Variants in ISLR2 observed in about 807,000 individuals in gnomAD.
ISLR2 encodes the protein immunoglobulin superfamily containing leucine-rich repeat protein 2.
In ISLR2, 16 loss-of-function variants were observed where a neutral mutation model predicts 25.5. That is an observed-to-expected ratio of 0.63 (90% CI 0.43 to 0.95). The LOEUF (loss-of-function observed/expected upper bound fraction) is 0.95. ISLR2 is among the 40% of genes least tolerant of loss of function. ISLR2 has a pLI of 0.00. For synonymous variants in ISLR2, 508 were observed against 486.6 expected (o/e 1.04, Z -0.58); for missense variants, 883 against 1,030.7 (o/e 0.86, Z 1.96).
chr15:74,112,148 C>G (rs1440215588), intron 2 of ISLR2, among the ~76,000 whole-genome samples: 1 of 152,138 alleles, frequency 6.6e-6, no homozygotes, highest in South Asian at 2.1e-4. Flanking sequence ...GTATGCAGGT[C>G]TGGAAAAACC....
Position 74,132,422 on chromosome 15 carries a change from G to A in ISLR2, c.-8-325G>A, listed in dbSNP as rs775789918. 2.6e-5 allele frequency among the ~76,000 whole-genome samples: 4 copies of A among 152,304 alleles called. No individual in the cohort carries two copies. Among genetic ancestry groups the A allele is most frequent in the Non-Finnish European group, 5.9e-5 (4 of 68,026 alleles). On this transcript the variant is annotated intron_variant, in intron 2 of 2. Coordinates refer to ENST00000453268, the MANE Select transcript of ISLR2 (RefSeq NM_020851.3). The surrounding 1 kb of genome is among the most constrained non-coding windows in gnomAD (Gnocchi z 4.3). ...AAACGAAGGCTTAGAAACACAGAGA[G>A]GGGTACGTGAGGAGCCCGCTGGAGA... is the stretch of plus-strand genomic sequence containing the variant.
Position 74,133,089 on chromosome 15 carries a change from C to T in ISLR2, c.335C>T (p.Ser112Phe). Residue 112 changes from serine (S) to phenylalanine (F), a missense_variant, in exon 3 of 3, where the codon TCC becomes TTC. Physicochemically the swap from Ser to Phe is radical, Grantham distance 155. Around this residue, in one of 2 missense-constraint regions of ISLR2, gnomAD observed 271 missense variants for 387.9 expected, o/e 0.70. Coordinates refer to ENST00000453268, the MANE Select transcript of ISLR2 (RefSeq NM_020851.3). ...CTCGATCTGAGCCACAACTTCATAT[C>T]CAGCTTTCCGTGGAGCGACCTGCGC... ...KNLDLSHNFI[S>F]SFPWSDLRNL... 3.1e-6 allele frequency: 5 copies of T among 1,612,924 alleles called. No individual in the cohort carries two copies. The highest frequency in any genetic ancestry group is 3.4e-6 in the Non-Finnish European group (4 of 1,179,982).
At position 74,133,174 on chromosome 15, in the gene ISLR2, G is replaced by T; in HGVS notation, c.420G>T (p.Arg140=). Residue 140 remains arginine (R), a synonymous_variant, in exon 3 of 3, where the codon CGG becomes CGT. Coordinates refer to ENST00000453268, the MANE Select transcript of ISLR2 (RefSeq NM_020851.3). Reference sequence around the variant, plus strand: ...ACAACCGCCTGGGCTCTCTGCCCCGGGACGCACTCGGTGCGCTACCCGACC... The same window carrying T: ...ACAACCGCCTGGGCTCTCTGCCCCGTGACGCACTCGGTGCGCTACCCGACC... The part of the protein sequence containing the change: ...MNHNRLGSLP[R]DALGALPDLR... 6.2e-7 allele frequency: 1 copy of T among 1,613,188 alleles called. No individual in the cohort carries two copies. The highest frequency in any genetic ancestry group is 8.5e-7 in the Non-Finnish European group (1 of 1,179,990).
upstream of ISLR2, among the ~76,000 whole-genome samples, chr15:74,123,566 A>C (rs187461092): frequency 3.9e-5 from 6 of 152,318 alleles, no homozygotes; most frequent in East Asian, 9.7e-4. Context: ...GTGGAGCTCC[A>C]AGCCCAGTGT....
At chr15:74,125,698 T>A (rs2072289506), upstream of ISLR2, among the ~76,000 whole-genome samples, 1 of 152,226 alleles carries the variant, frequency 6.6e-6, no homozygotes, top group African/African-American at 2.4e-5. Flanking sequence ...GTTAAGCTAA[T>A]TTCATGAAAA....
upstream of ISLR2, chr15:74,126,894 ATT>A (rs1323391111): frequency 8.8e-6 from 1 of 113,336 alleles, no homozygotes; most frequent in Non-Finnish European, 1.8e-5. Flanking sequence ...TGGAGAGAAC[ATT>A]TGTGTGTGTG....
At chr15:74,125,191 C>T (rs1333883741), upstream of ISLR2, among the ~76,000 whole-genome samples, 2 of 151,990 alleles carry the variant, frequency 1.3e-5, no homozygotes, top group East Asian at 3.9e-4. Context: ...TTGCATCCCG[C>T]CCCCCTTACT....
At chr15:74,102,568 G>T (rs1347972667) in intron 1 of ISLR2, among the ~76,000 whole-genome samples, 3 of 151,228 alleles carry the variant, frequency 2.0e-5, no homozygotes, top group Non-Finnish European at 4.4e-5. Context: ...GAAATGGGCT[G>T]CTGGGCCCCA....
chr15:74,135,354 C>A lies in ISLR2; in HGVS notation c.*362C>A. 3.7e-6 allele frequency: 1 copy of A among 267,318 alleles called. No individual in the cohort carries two copies. The highest frequency in any genetic ancestry group is 7.7e-5 in the East Asian group (1 of 12,950). 16.6% of individuals were successfully genotyped at this position (267,318 alleles called of 1,614,324 possible). A position where few individuals can be genotyped will look rare whatever the true frequency, so the allele number is the denominator to read the frequency against. ...GCCCGCCCCACCGTGGGCTCTGGAG[C>A]CAGAGGAAACGAGCGAAGACTTTGG... On this transcript the variant is annotated 3_prime_UTR_variant, in exon 3 of 3. Coordinates refer to ENST00000453268, the MANE Select transcript of ISLR2 (RefSeq NM_020851.3).
At chr15:74,119,713 A>G (rs1193204931) in intron 2 of ISLR2, among the ~76,000 whole-genome samples, 3 of 152,228 alleles carry the variant, frequency 2.0e-5, no homozygotes, top group Non-Finnish European at 2.9e-5. Flanking sequence ...GAACACTGGA[A>G]ATATACACAA....
upstream of ISLR2, among the ~76,000 whole-genome samples, chr15:74,124,168 A>G (rs958372953): frequency 6.7e-6 from 1 of 150,130 alleles, no homozygotes; most frequent in African/African-American, 2.5e-5. Context: ...ATGGTCCATT[A>G]TAATCCTGGT....
At chr15:74,115,866 A>C (rs1392830808) in intron 2 of ISLR2, among the ~76,000 whole-genome samples, 2 of 148,772 alleles carry the variant, frequency 1.3e-5, no homozygotes, top group Non-Finnish European at 3.0e-5. Flanking sequence ...GAACATGATG[A>C]GAAGAGAGAA....
At chr15:74,103,006 C>T (rs1303775248) in intron 1 of ISLR2, among the ~76,000 whole-genome samples, 2 of 151,202 alleles carry the variant, frequency 1.3e-5, no homozygotes, top group Non-Finnish European at 2.9e-5. Context: ...CAGGGTTTCA[C>T]CATGTTGGCC....
rs781139474 is a variant in ISLR2 at position 74,133,568 on chromosome 15, T to C, written c.814T>C (p.Trp272Arg). 1.9e-6 allele frequency: 3 copies of C among 1,614,162 alleles called. No homozygotes were observed. The highest frequency in any genetic ancestry group is 2.5e-6 in the Non-Finnish European group (3 of 1,180,008). Residue 272 changes from tryptophan to arginine, a missense_variant, in exon 3 of 3, where the codon TGG (tryptophan) becomes CGG (arginine). Physicochemically the swap from Trp to Arg is moderately radical, Grantham distance 101. Coordinates refer to ENST00000453268, the MANE Select transcript of ISLR2 (RefSeq NM_020851.3). Reference protein sequence around the residue: ...ADGHPTPRLQWQLQIPGGTVV... With the variant: ...ADGHPTPRLQRQLQIPGGTVV... ...CGGCCACCCTACGCCTCGCCTGCAATGGCAACTTCAGATCCCCGGTGGCAC... is the reference window on the plus strand; with the variant it reads ...CGGCCACCCTACGCCTCGCCTGCAACGGCAACTTCAGATCCCCGGTGGCAC...
upstream of ISLR2, chr15:74,126,347 A>ATTTTTTTTTT (rs869162947): frequency 1.1e-5 from 1 of 93,938 alleles, no homozygotes; most frequent in Non-Finnish European, 2.0e-5. Context: ...AAGCATAGGT[A>ATTTTTTTTTT]TTTTTTTTTT....
Position 74,134,999 on chromosome 15 carries a change from G to C in ISLR2, c.*7G>C. On this transcript the variant is annotated 3_prime_UTR_variant, in exon 3 of 3. Coordinates refer to ENST00000453268, the MANE Select transcript of ISLR2 (RefSeq NM_020851.3). ...CAGGCAGACGGCAGGCTGAACCTCCGCCCGTCCGGCCCGCCCATTCCCGAC... is the reference window on the plus strand; with the variant it reads ...CAGGCAGACGGCAGGCTGAACCTCCCCCCGTCCGGCCCGCCCATTCCCGAC... 1 of 1,607,838 alleles carries C rather than the reference G, an allele frequency of 6.2e-7. No homozygotes were observed. Among genetic ancestry groups the C allele is most frequent in the Non-Finnish European group, 8.5e-7 (1 of 1,176,858 alleles).
rs372588076 is a variant in ISLR2, at chr15:74,133,907, G to A, written c.1153G>A (p.Gly385Arg). ...TGPPKHAPGAGGEPDGQAPTS... is the reference protein window; with the variant it reads ...TGPPKHAPGARGEPDGQAPTS... Reference sequence around the variant, plus strand: ...GCCCCCAAAACACGCGCCTGGCGCCGGGGGAGAACCCGACGGACAGGCCCC... The same window carrying A: ...GCCCCCAAAACACGCGCCTGGCGCCAGGGGAGAACCCGACGGACAGGCCCC... The change falls in exon 3 of 3, where the codon GGG becomes AGG. Residue 385 changes from glycine to arginine, a missense_variant. Physicochemically the swap from Gly to Arg is moderately radical, Grantham distance 125. Coordinates refer to ENST00000453268, the MANE Select transcript of ISLR2 (RefSeq NM_020851.3). 8.7e-6 allele frequency: 14 copies of A among 1,604,818 alleles called. No individual in the cohort carries two copies. The African/African-American group carries it at 1.6e-4, about 18-fold the overall frequency.
upstream of ISLR2, chr15:74,129,734 G>A (rs2072363097): frequency 6.6e-6 from 1 of 152,466 alleles, no homozygotes; most frequent in Admixed American, 6.5e-5. This position sits in a 1 kb window ranked among gnomAD's most constrained non-coding sequence, Gnocchi z 4.5. Context: ...GAGGGTGTGA[G>A]ACGGCGGGGC....
downstream of ISLR2, among the ~76,000 whole-genome samples, chr15:74,141,257 A>T (rs977418003): frequency 1.3e-5 from 2 of 152,230 alleles, no homozygotes; most frequent in African/African-American, 4.8e-5. Context: ...TACTGCTTAC[A>T]TGTATTCCCT....
Sources: allele counts gnomAD v4.1 joint callset (sites outside exome capture counted in the v4.1 genomes callset), GRCh38; gene constraint gnomAD v4.1.1; regional missense constraint gnomAD v4.1.1; non-coding constraint Gnocchi (gnomAD v3.1); transcripts MANE v1.5; gene names NCBI Gene and HGNC (gene_info 2026-07-23, HGNC 2026-07-21).